The following NSUN4 variants were observed in gnomAD, a reference collection of about 807,000 sequenced individuals.
NSUN4 encodes the protein NOP2/Sun RNA methyltransferase 4, also known as 5-cytosine rRNA methyltransferase NSUN4.
In NSUN4, 31 loss-of-function variants were observed where a neutral mutation model predicts 43.8. The ratio of observed to expected loss-of-function variants is 0.71; its 90% CI spans 0.53 to 0.96. The LOEUF (loss-of-function observed/expected upper bound fraction) is 0.96. Among genes scored for constraint, NSUN4 ranks in the 40% least tolerant of loss-of-function variants. The pLI is 0.00. For missense variants in NSUN4, 439 were observed against 475.6 expected (o/e 0.92, Z 0.72); for synonymous variants, 167 against 184.1 (o/e 0.91, Z 0.75).
intron 3 of NSUN4, among the ~76,000 whole-genome samples, chr1:46,352,127 A>C (rs932253992): frequency 2.0e-4 from 30 of 150,334 alleles, no homozygotes; most frequent in African/African-American, 6.1e-4. Flanking sequence ...CACTATGCCC[A>C]GACTCAGAGA....
At chr1:46,354,513 T>C (rs915140897) in intron 4 of NSUN4, among the ~76,000 whole-genome samples, 4 of 152,188 alleles carry the variant, frequency 2.6e-5, no homozygotes, top group African/African-American at 9.6e-5. Flanking sequence ...TGTCTCTGTG[T>C]TGTCACCTGA....
Position 46,361,758 on chromosome 1 carries a change from C to T in NSUN4, c.1067C>T (p.Ser356Leu), listed in dbSNP as rs749712672. The change falls in exon 6 of 6, where the codon TCA becomes TTA. Residue 356 changes from serine to leucine, a missense_variant. Coordinates refer to ENST00000474844, the MANE Select transcript of NSUN4 (RefSeq NM_199044.4). ...RVFMDTFCFF[S>L]SCQVGELVIP... ...TTCATGGACACATTTTGTTTCTTCT[C>T]ATCCTGTCAGGTTGGGGAGCTGGTA... is the stretch of plus-strand genomic sequence containing the variant. 1.4e-5 allele frequency: 23 copies of T among 1,614,092 alleles called. No individual in the cohort carries two copies. Among genetic ancestry groups the T allele is most frequent in the East Asian group, 2.2e-5 (1 of 44,890 alleles).
chr1:46,346,918 C>T lies in NSUN4; in HGVS notation c.438-3C>T. 1 of 1,612,114 alleles carries T rather than the reference C, an allele frequency of 6.2e-7. No individual in the cohort carries two copies. The highest frequency in any genetic ancestry group is 8.5e-7 in the Non-Finnish European group (1 of 1,179,176). On this transcript the variant is annotated splice_polypyrimidine_tract_variant and splice_region_variant and intron_variant, in intron 2 of 5. Coordinates refer to ENST00000474844, the MANE Select transcript of NSUN4 (RefSeq NM_199044.4). ...AACAATAAAGTGGTCTCCTCTTTTC[C>T]AGACCTGGCAGCCTGGGTGTCATGG...
intron 4 of NSUN4, among the ~76,000 whole-genome samples, chr1:46,359,795 T>TG (rs1490284541): frequency 1.6e-4 from 25 of 152,048 alleles, no homozygotes; most frequent in African/African-American, 6.0e-4. Context: ...TTTGTGCAGG[T>TG]GGGGTCTCAC....
At chr1:46,384,072 A>C in the NSUN4 span, among the ~76,000 whole-genome samples, 2 of 152,278 alleles carry the variant, frequency 1.3e-5, no homozygotes, top group South Asian at 4.1e-4. Context: ...GCAGAGCAGG[A>C]GATCGGAATG....
intron 1 of NSUN4, chr1:46,343,799 A>G: frequency 2.5e-6 from 1 of 400,984 alleles, no homozygotes; most frequent in East Asian, 3.6e-5. Context: ...GCAAGAGTCT[A>G]TGATGGCAAA....
At chr1:46,356,416 G>A (rs184387478) in intron 4 of NSUN4, among the ~76,000 whole-genome samples, 26 of 152,288 alleles carry the variant, frequency 1.7e-4, no homozygotes, top group African/African-American at 6.0e-4. Flanking sequence ...TTCAAGGCTG[G>A]GCGCGGTGGC....
chr1:46,346,409 G>C (rs1662495970), intron 2 of NSUN4, among the ~76,000 whole-genome samples: 1 of 151,742 alleles, frequency 6.6e-6, no homozygotes, highest in African/African-American at 2.4e-5. Context: ...AAAATTAGCT[G>C]GGCATGGTGG....
chr1:46,355,203 C>T (rs756572007), intron 4 of NSUN4, among the ~76,000 whole-genome samples: 12 of 152,136 alleles, frequency 7.9e-5, no homozygotes, highest in Non-Finnish European at 1.6e-4. Context: ...TAGTACCTGG[C>T]GGTGAAGATT....
chr1:46,377,876 A>G, the NSUN4 span, among the ~76,000 whole-genome samples: 44 of 152,294 alleles, frequency 2.9e-4, no homozygotes, highest in East Asian at 7.9e-3. Flanking sequence ...CAAACAAATT[A>G]TAGGTGGGAG....
At position 46,344,962 on chromosome 1, in the gene NSUN4, T is replaced by C. The variant is rs1662380054; in HGVS notation, c.255T>C (p.His85=). 6.2e-7 allele frequency: 1 copy of C among 1,614,214 alleles called. No homozygotes were observed. Among genetic ancestry groups the C allele is most frequent in the Non-Finnish European group, 8.5e-7 (1 of 1,180,036 alleles). The change falls in exon 2 of 6, where the codon CAT becomes CAC. Residue 85 remains histidine, a synonymous_variant. Coordinates refer to ENST00000474844, the MANE Select transcript of NSUN4 (RefSeq NM_199044.4). ...TCAATAACTTTGCTGCCTGGGATCA[T>C]GTAAGTGCTAAGCTGGAGCAGCTGA... ...ALVNNFAAWD[H]VSAKLEQLSA...
chr1:46,343,510 G>A (rs775928796), intron 1 of NSUN4: 3 of 399,576 alleles, frequency 7.5e-6, no homozygotes, highest in Non-Finnish European at 1.3e-5. Flanking sequence ...ACTATTATTA[G>A]CAAATGCCAG....
At chr1:46,383,580 C>T in the NSUN4 span, among the ~76,000 whole-genome samples, 6 of 151,788 alleles carry the variant, frequency 4.0e-5, no homozygotes, top group South Asian at 2.1e-4. Context: ...CTCAGCCTCC[C>T]GAGTAGCTGG....
the NSUN4 span, among the ~76,000 whole-genome samples, chr1:46,381,818 C>A: frequency 1.3e-5 from 2 of 152,152 alleles, no homozygotes; most frequent in Non-Finnish European, 2.9e-5. Context: ...TCATAAGAAT[C>A]ACTTCAGATT....
intron 3 of NSUN4, among the ~76,000 whole-genome samples, chr1:46,350,005 G>A (rs947523670): frequency 2.0e-5 from 3 of 152,212 alleles, no homozygotes; most frequent in Non-Finnish European, 2.9e-5. Context: ...CTCTTGATCC[G>A]AGGAAAACGG....
At chr1:46,353,128 C>T in intron 4 of NSUN4, 100 bp downstream of exon 4, 1 of 1,120,772 alleles carries the variant, frequency 8.9e-7, no homozygotes, top group East Asian at 2.4e-5. Context: ...TATGTTTGAG[C>T]ATGTAGAGCT....
chr1:46,344,091 C>T (rs977539756), intron 1 of NSUN4: 1 of 260,652 alleles, frequency 3.8e-6, no homozygotes, highest in Non-Finnish European at 7.2e-6. Context: ...GTCTTCATTT[C>T]TCTTTTACTC....
chr1:46,350,986 T>TA (rs1662934176), intron 3 of NSUN4, among the ~76,000 whole-genome samples: 1 of 152,234 alleles, frequency 6.6e-6, no homozygotes, highest in Non-Finnish European at 1.5e-5. Flanking sequence ...TGTCAGCCTT[T>TA]TAAAAATATC....
At chr1:46,348,833 GAGA>G (rs373335443) in intron 3 of NSUN4, among the ~76,000 whole-genome samples, 900 of 17,122 alleles carry the variant, frequency 0.053, 19 homozygotes, top group African/African-American at 0.13. Context: ...TTTTTTTTTT[GAGA>G]AGAAGTTTCG....
Sources: allele counts gnomAD v4.1 joint callset (sites outside exome capture counted in the v4.1 genomes callset), GRCh38; gene constraint gnomAD v4.1.1; transcripts MANE v1.5; gene names NCBI Gene and HGNC (gene_info 2026-07-23, HGNC 2026-07-21).